Variants in CDS2 observed in about 807,000 individuals in gnomAD.
The protein encoded by CDS2 is CDP-diacylglycerol synthase 2.
A neutral mutation model predicts 59.0 loss-of-function variants in CDS2; 47 were observed. That is an observed-to-expected ratio of 0.80 (90% CI 0.63 to 1.02). The LOEUF (loss-of-function observed/expected upper bound fraction) is 1.02, where lower values mean the gene tolerates loss of function less well. Ranked by LOEUF, CDS2 falls within the 50% of genes least tolerant of loss-of-function variation. The probability of loss-of-function intolerance (pLI) is 0.00; values close to 1 mark genes in which losing one functional copy is unlikely to be tolerated. For missense variants in CDS2, 356 were observed against 558.9 expected (o/e 0.64, Z 3.66); for synonymous variants, 207 against 206.4 (o/e 1.00, Z -0.02).
chr20:5,165,350 G>A (rs184765348), intron 1 of CDS2, among the ~76,000 whole-genome samples: 192 of 152,224 alleles, frequency 1.3e-3, no homozygotes, highest in South Asian at 3.5e-3. Context: ...CAGCCTACGC[G>A]ACATGTAGCC....
At chr20:5,174,496 G>A (rs2123042348) in intron 2 of CDS2, among the ~76,000 whole-genome samples, 1 of 152,278 alleles carries the variant, frequency 6.6e-6, no homozygotes, top group East Asian at 1.9e-4. Flanking sequence ...CAGCACTTTG[G>A]GAGGCCGAGG....
At chr20:5,178,136 A>G (rs1183580947) in intron 4 of CDS2, among the ~76,000 whole-genome samples, 1 of 152,186 alleles carries the variant, frequency 6.6e-6, no homozygotes, top group East Asian at 1.9e-4. Context: ...CTTCTCATGA[A>G]CGCCAGTTGA....
chr20:5,177,064 C>T (rs1044711344), intron 4 of CDS2, among the ~76,000 whole-genome samples: 3 of 152,124 alleles, frequency 2.0e-5, no homozygotes, highest in Admixed American at 6.5e-5. Flanking sequence ...GTTGGCCTTG[C>T]AGGAGTCTTA....
chr20:5,175,139 G>T, intron 2 of CDS2, 44 bp from the exon 3 acceptor site: 1 of 1,424,042 alleles, frequency 7.0e-7, no homozygotes, highest in Non-Finnish European at 9.9e-7. Flanking sequence ...TTTTTTTCTG[G>T]GCTCCTAACT....
chr20:5,173,783 A>G (rs1194174239), intron 2 of CDS2, 124 bp downstream of exon 2: 18 of 1,081,286 alleles, frequency 1.7e-5, no homozygotes, highest in African/African-American at 9.3e-5. Flanking sequence ...TCAGCCTCCC[A>G]TGCCACTGCT....
In CDS2 at chr20:5,145,822, G is replaced by GGTTTTTTTT. The variant is rs773575866; in HGVS notation, c.57+18673_57+18674insGTTTTTTTT. Among the ~76,000 whole-genome samples, 35 of 129,260 alleles carry GGTTTTTTTT rather than the reference G, an allele frequency of 2.7e-4. 1 individual carries two copies. The highest frequency in any genetic ancestry group is 7.5e-4 in the African/African-American group (25 of 33,518). 84.8% of individuals were successfully genotyped at this position (129,260 alleles called of 152,430 possible). Reference sequence around the variant, plus strand: ...CCAAGTTGTGTGTTTTGCTTTTTGTGTTTTTTTTTTTTTTTTTTTGAGACA... The same window carrying GGTTTTTTTT: ...CCAAGTTGTGTGTTTTGCTTTTTGTGGTTTTTTTTTTTTTTTTTTTTTTTTTTTGAGACA... On this transcript the variant is annotated intron_variant, in intron 1 of 12. Transcript: ENST00000460006.
intron 1 of CDS2, among the ~76,000 whole-genome samples, chr20:5,171,483 A>C (rs941757342): frequency 2.1e-4 from 32 of 152,212 alleles, no homozygotes; most frequent in African/African-American, 6.8e-4. Flanking sequence ...GGTCAAAGCC[A>C]GGTGATCAGG....
At chr20:5,136,114 C>A (rs2090647684) in intron 1 of CDS2, among the ~76,000 whole-genome samples, 1 of 152,110 alleles carries the variant, frequency 6.6e-6, no homozygotes, top group Admixed American at 6.6e-5. Flanking sequence ...GGATGTCTGC[C>A]ATTGACACCG....
chr20:5,189,277 C>A, intron 11 of CDS2, 91 bp downstream of exon 11: 3 of 1,421,508 alleles, frequency 2.1e-6, no homozygotes, highest in Non-Finnish European at 3.0e-6. Context: ...AAATACTAGG[C>A]TGTACACCCT....
At chr20:5,159,733 C>T (rs1292198) in intron 1 of CDS2, among the ~76,000 whole-genome samples, 3,349 of 152,160 alleles carry the variant, frequency 0.022, 63 homozygotes, top group South Asian at 0.083. Flanking sequence ...ATATACCAAA[C>T]TGGGTTCTTT....
At chr20:5,143,153 C>T (rs1162408778) in intron 1 of CDS2, among the ~76,000 whole-genome samples, 1 of 152,104 alleles carries the variant, frequency 6.6e-6, no homozygotes, top group Non-Finnish European at 1.5e-5. Flanking sequence ...CAAAAATGGG[C>T]ACTTCAGATG....
At chr20:5,155,367 G>C (rs563479348) in intron 1 of CDS2, among the ~76,000 whole-genome samples, 3 of 152,340 alleles carry the variant, frequency 2.0e-5, no homozygotes, top group East Asian at 3.9e-4. Context: ...CTTTTAACAG[G>C]TTCAAGGCAA....
chr20:5,138,658 G>A (rs2090667832), intron 1 of CDS2, among the ~76,000 whole-genome samples: 1 of 151,606 alleles, frequency 6.6e-6, no homozygotes, highest in Non-Finnish European at 1.5e-5. Context: ...GCAAATTTTT[G>A]TATTTTTAGT....
intron 1 of CDS2, among the ~76,000 whole-genome samples, chr20:5,130,574 C>T (rs1050102102): frequency 2.7e-5 from 4 of 148,402 alleles, no homozygotes; most frequent in East Asian, 4.1e-4. Context: ...GTCAGGAGTT[C>T]GAGACCAGCC....
Position 5,186,672 on chromosome 20 carries a change from G to T in CDS2, c.829-15G>T. 1.2e-6 allele frequency: 2 copies of T among 1,613,638 alleles called. No homozygotes were observed. Among genetic ancestry groups the T allele is most frequent in the Non-Finnish European group, 1.7e-6 (2 of 1,179,604 alleles). On this transcript the variant is annotated splice_polypyrimidine_tract_variant and intron_variant, in intron 9 of 12. Transcript: ENST00000460006. Reference sequence around the variant, plus strand: ...AACTTACTTCCTTGCCGGTCTCTCTGTTATTCCTCCTCAGCTGTCCTATGT... The same window carrying T: ...AACTTACTTCCTTGCCGGTCTCTCTTTTATTCCTCCTCAGCTGTCCTATGT...
intron 5 of CDS2, among the ~76,000 whole-genome samples, chr20:5,179,536 T>C (rs1216661617): frequency 6.6e-6 from 1 of 152,252 alleles, no homozygotes; most frequent in Non-Finnish European, 1.5e-5. Context: ...CTGTCCTGAC[T>C]CTCCTGTTGG....
chr20:5,181,462 T>C (rs1245749238), intron 5 of CDS2, among the ~76,000 whole-genome samples: 1 of 152,058 alleles, frequency 6.6e-6, no homozygotes, highest in Non-Finnish European at 1.5e-5. Flanking sequence ...GGCGAGTCTG[T>C]GGAGGAAAGT....
intron 1 of CDS2, among the ~76,000 whole-genome samples, chr20:5,129,453 T>C (rs1434345969): frequency 6.6e-6 from 1 of 151,742 alleles, no homozygotes; most frequent in Non-Finnish European, 1.5e-5. Flanking sequence ...ATTTTTTTTT[T>C]TTTTTTTGAG....
rs115266773 is a variant in CDS2, at chr20:5,189,667, G to A, written c.1102-68G>A. On this transcript the variant is annotated intron_variant, in intron 11 of 12. Transcript: ENST00000460006. ...AGCACAGAAGCCTGACATTGGGGTG[G>A]GACCATTAGGCTGGGATTGGTTAGT... 3,804 of 1,126,192 alleles carry A rather than the reference G, an allele frequency of 3.4e-3. 66 individuals carry two copies. The African/African-American group carries it at 0.041, about 12-fold the overall frequency. The allele number at this position is 1,126,192 out of a possible 1,614,324, so 69.8% of individuals were successfully genotyped here.
Sources: gnomAD v4.1 joint callset for allele counts (sites outside exome capture counted in the v4.1 genomes callset) on GRCh38, gnomAD v4.1.1 for gene constraint, MANE v1.5 for transcripts, NCBI Gene and HGNC (gene_info 2026-07-23, HGNC 2026-07-21) for gene names.